SLC25A13: variants seen among roughly 807,000 people sequenced by gnomAD.
SLC25A13 encodes the protein electrogenic aspartate/glutamate antiporter SLC25A13, mitochondrial.
In SLC25A13, 70 loss-of-function variants were observed where a neutral mutation model predicts 85.5. The observed-to-expected ratio is 0.82, with a 90% confidence interval of 0.68 to 1.00. SLC25A13 has a LOEUF of 1.00. Among genes scored for constraint, SLC25A13 ranks in the 50% least tolerant of loss-of-function variants. The pLI, the probability that SLC25A13 is intolerant of heterozygous loss-of-function variation, is 0.00. For synonymous variants in SLC25A13, 259 were observed against 288.7 expected (o/e 0.90, Z 1.04); for missense variants, 765 against 819.8 (o/e 0.93, Z 0.82).
chr7:96,289,383 C>T (rs1339771922), intron 2 of SLC25A13, among the ~76,000 whole-genome samples: 1 of 152,162 alleles, frequency 6.6e-6, no homozygotes, highest in Non-Finnish European at 1.5e-5. Context: ...AGCTCCTCAC[C>T]GGCAACGGAA....
intron 2 of SLC25A13, among the ~76,000 whole-genome samples, chr7:96,281,004 A>C (rs1401354445): frequency 6.6e-6 from 1 of 152,232 alleles, no homozygotes; most frequent in African/African-American, 2.4e-5. Flanking sequence ...TAGTATCCAA[A>C]AAACTAAAAA....
intron 7 of SLC25A13, among the ~76,000 whole-genome samples, chr7:96,190,366 C>T (rs926737092): frequency 4.6e-5 from 7 of 152,026 alleles, no homozygotes; most frequent in Non-Finnish European, 8.8e-5. Flanking sequence ...GCTGGGATTA[C>T]AGGCATGAGC....
At chr7:96,145,129 T>C (rs1562792287) in intron 14 of SLC25A13, among the ~76,000 whole-genome samples, 1 of 152,140 alleles carries the variant, frequency 6.6e-6, no homozygotes, top group African/African-American at 2.4e-5. Context: ...GAATCACAGA[T>C]TGAGCATTTT....
intron 11 of SLC25A13, among the ~76,000 whole-genome samples, chr7:96,176,770 G>T (rs574796045): frequency 1.3e-5 from 2 of 152,278 alleles, no homozygotes; most frequent in African/African-American, 4.8e-5. Flanking sequence ...GAATTTCAGG[G>T]TTGGAAGGGA....
At chr7:96,270,753 T>C (rs1263636014) in intron 3 of SLC25A13, among the ~76,000 whole-genome samples, 1 of 152,080 alleles carries the variant, frequency 6.6e-6, no homozygotes, top group Non-Finnish European at 1.5e-5. Flanking sequence ...ATTCCCATAA[T>C]AACACAACAA....
Position 96,120,712 on chromosome 7 carries a change from A to C in SLC25A13, c.*479T>G. 2.2e-6 allele frequency: 1 copy of C among 454,532 alleles called. No homozygotes were observed. The highest frequency in any genetic ancestry group is 1.6e-5 in the South Asian group (1 of 64,398). 28.2% of individuals were successfully genotyped at this position (454,532 alleles called of 1,614,324 possible). On this transcript the variant is annotated 3_prime_UTR_variant, in exon 18 of 18. Transcript: ENST00000265631. The stretch of plus-strand genomic sequence containing the variant: ...GAATTTGTGCATGCTTACAATTTGA[A>C]GCCAGGCTGAATATATTTGATATAT...
intron 5 of SLC25A13, among the ~76,000 whole-genome samples, chr7:96,197,734 T>C (rs887313203): frequency 3.9e-5 from 6 of 152,146 alleles, no homozygotes; most frequent in Admixed American, 2.0e-4. Context: ...ATATAGCATA[T>C]ACAAAATAGT....
chr7:96,279,371 C>A (rs1798577619), intron 2 of SLC25A13, among the ~76,000 whole-genome samples: 1 of 152,148 alleles, frequency 6.6e-6, no homozygotes, highest in Non-Finnish European at 1.5e-5. Context: ...TAAAGACATA[C>A]CTGCGACTGG....
intron 14 of SLC25A13, among the ~76,000 whole-genome samples, chr7:96,136,850 G>C (rs1792308558): frequency 6.6e-6 from 1 of 152,134 alleles, no homozygotes; most frequent in Non-Finnish European, 1.5e-5. Context: ...TCTAGCACGG[G>C]GAAAATGCCA....
chr7:96,238,126 G>A (rs975266287), intron 3 of SLC25A13, among the ~76,000 whole-genome samples: 1 of 152,128 alleles, frequency 6.6e-6, no homozygotes, highest in African/African-American at 2.4e-5. Flanking sequence ...AGTAGGGCAG[G>A]CACCTAATCC....
At chr7:96,238,916 G>A (rs1796848993) in intron 3 of SLC25A13, among the ~76,000 whole-genome samples, 1 of 150,858 alleles carries the variant, frequency 6.6e-6, no homozygotes, top group South Asian at 2.1e-4. Context: ...AATAAAGAAA[G>A]GCTTAATATA....
At chr7:96,241,330 C>T (rs1000931588) in intron 3 of SLC25A13, among the ~76,000 whole-genome samples, 5 of 152,180 alleles carry the variant, frequency 3.3e-5, no homozygotes, top group South Asian at 2.1e-4. Flanking sequence ...TTCATAAATG[C>T]GTGCAAACTT....
At chr7:96,212,188 G>A (rs1212542734) in intron 4 of SLC25A13, among the ~76,000 whole-genome samples, 1 of 152,142 alleles carries the variant, frequency 6.6e-6, no homozygotes, top group Non-Finnish European at 1.5e-5. Context: ...TCCTGGAGTT[G>A]GGGAGTGTAT....
intron 9 of SLC25A13, among the ~76,000 whole-genome samples, chr7:96,186,324 G>C (rs535297902): frequency 2.6e-5 from 4 of 152,236 alleles, no homozygotes; most frequent in African/African-American, 7.2e-5. Context: ...AGCTACTTGG[G>C]AGGCTGAGGC....
intron 13 of SLC25A13, among the ~76,000 whole-genome samples, chr7:96,166,555 G>T (rs1793753753): frequency 6.6e-6 from 1 of 151,810 alleles, no homozygotes; most frequent in Non-Finnish European, 1.5e-5. Context: ...AAAAGCTAAA[G>T]ATCCCAGGCT....
chr7:96,303,426 A>G (rs1169596496), intron 1 of SLC25A13, among the ~76,000 whole-genome samples: 1 of 152,066 alleles, frequency 6.6e-6, no homozygotes, highest in Non-Finnish European at 1.5e-5. Context: ...AGTCCTGCAT[A>G]GTCTTTTGAA....
chr7:96,299,122 T>A (rs1799458347), intron 1 of SLC25A13, among the ~76,000 whole-genome samples: 1 of 152,248 alleles, frequency 6.6e-6, no homozygotes, highest in East Asian at 1.9e-4. Context: ...AAAATAGAAT[T>A]AATTCTTTAT....
chr7:96,232,097 G>A (rs1464199250), intron 4 of SLC25A13, among the ~76,000 whole-genome samples: 1 of 152,108 alleles, frequency 6.6e-6, no homozygotes, highest in Non-Finnish European at 1.5e-5. Context: ...TATACCCAAA[G>A]AAATATAAAC....
intron 3 of SLC25A13, among the ~76,000 whole-genome samples, chr7:96,249,167 AT>A (rs1281666245): frequency 6.6e-6 from 1 of 152,188 alleles, no homozygotes; most frequent in Non-Finnish European, 1.5e-5. Context: ...ACAAAAAGTA[AT>A]TTCTGCTTAC....
Sources: gnomAD v4.1 joint callset for allele counts (sites outside exome capture counted in the v4.1 genomes callset) on GRCh38, gnomAD v4.1.1 for gene constraint, MANE v1.5 for transcripts, NCBI Gene and HGNC (gene_info 2026-07-23, HGNC 2026-07-21) for gene names.